Variants in TTBK2 observed in about 807,000 individuals in gnomAD.
TTBK2 encodes the protein tau tubulin kinase 2, also known as tau-tubulin kinase 2.
TTBK2 carries 28 observed loss-of-function variants against 110.8 expected under a neutral mutation model. The ratio of observed to expected loss-of-function variants is 0.25; its 90% CI spans 0.19 to 0.35. The LOEUF is 0.35. Ranked by LOEUF, TTBK2 falls within the 10% of genes least tolerant of loss-of-function variation. TTBK2 has a pLI of 1.00. For synonymous variants in TTBK2, 532 were observed against 527.3 expected, an observed-to-expected ratio of 1.01 and a Z score of -0.12; for missense variants, 1,369 against 1,500.3, an observed-to-expected ratio of 0.91 and a Z score of 1.45.
At chr15:42,805,975 A>G (rs1463781824) in intron 9 of TTBK2, among the ~76,000 whole-genome samples, 1 of 152,196 alleles carries the variant, frequency 6.6e-6, no homozygotes, top group Non-Finnish European at 1.5e-5. Context: ...TAAGACACTG[A>G]TTTTTAGGCC....
At chr15:42,840,490 T>G (rs905155113) in intron 3 of TTBK2, 57 bp from the exon 4 acceptor site, 22 of 1,477,942 alleles carry the variant, frequency 1.5e-5, no homozygotes, top group Non-Finnish European at 1.9e-5. Flanking sequence ...CTTAAAAAAT[T>G]AATAATTTGC....
intron 1 of TTBK2, among the ~76,000 whole-genome samples, chr15:42,885,330 T>C (rs1211103819): frequency 2.0e-5 from 3 of 152,220 alleles, no homozygotes; most frequent in Non-Finnish European, 4.4e-5. Flanking sequence ...TTAAATCGGG[T>C]AAGCAGCCCT....
intron 13 of TTBK2, among the ~76,000 whole-genome samples, chr15:42,763,661 C>T (rs1469009677): frequency 6.6e-6 from 1 of 152,124 alleles, no homozygotes; most frequent in African/African-American, 2.4e-5. Flanking sequence ...CTATGTACCT[C>T]ATACATATGT....
At chr15:42,912,210 C>A (rs1409804549) in intron 1 of TTBK2, among the ~76,000 whole-genome samples, 1 of 152,048 alleles carries the variant, frequency 6.6e-6, no homozygotes, top group Non-Finnish European at 1.5e-5. Context: ...CTGTTTCAGT[C>A]GGCAAGGTGG....
intron 1 of TTBK2, among the ~76,000 whole-genome samples, chr15:42,913,535 G>A (rs1423143168): frequency 2.0e-5 from 3 of 152,080 alleles, no homozygotes; most frequent in Non-Finnish European, 4.4e-5. Context: ...CTACTCAGGA[G>A]GCTGAGGCAG....
chr15:42,897,596 C>A (rs1895716473), intron 1 of TTBK2, among the ~76,000 whole-genome samples: 1 of 152,154 alleles, frequency 6.6e-6, no homozygotes, highest in African/African-American at 2.4e-5. Flanking sequence ...GGAAAGGATG[C>A]CATTATTGAT....
At chr15:42,814,736 G>A (rs1340078977) in intron 7 of TTBK2, among the ~76,000 whole-genome samples, 1 of 152,224 alleles carries the variant, frequency 6.6e-6, no homozygotes, top group African/African-American at 2.4e-5. Context: ...TCCAAGAGGT[G>A]CACTCCTGCA....
chr15:42,901,851 A>T (rs1390587436), intron 1 of TTBK2, among the ~76,000 whole-genome samples: 1 of 152,174 alleles, frequency 6.6e-6, no homozygotes, highest in African/African-American at 2.4e-5. Context: ...TCCAAAGAAG[A>T]TATACAAATG....
chr15:42,872,957 GT>G (rs1894672727), intron 2 of TTBK2, among the ~76,000 whole-genome samples, 199 bp from the exon 3 acceptor site: 1 of 151,910 alleles, frequency 6.6e-6, no homozygotes, highest in African/African-American at 2.4e-5. Context: ...TTCCCCACAG[GT>G]TTATCCACAA....
intron 3 of TTBK2, among the ~76,000 whole-genome samples, chr15:42,859,250 G>A (rs977554950): frequency 1.6e-4 from 24 of 152,014 alleles, no homozygotes; most frequent in Admixed American, 7.9e-4. Context: ...GGGACTACAG[G>A]TGCACACCAC....
chr15:42,745,754 G>C lies in TTBK2; in HGVS notation c.*41C>G, dbSNP rs1329162780. ...AGGGACACACATGCATCAGGTTTAGGAGGAAGATCTCACACCTTTCAAAGA... is the reference window on the plus strand; with the variant it reads ...AGGGACACACATGCATCAGGTTTAGCAGGAAGATCTCACACCTTTCAAAGA... On this transcript the variant is annotated 3_prime_UTR_variant, in exon 15 of 15. Coordinates refer to ENST00000267890, the MANE Select transcript of TTBK2 (RefSeq NM_173500.4). The C allele has an allele frequency of 6.2e-7, 1 of 1,609,462 alleles. No homozygotes were observed. Among genetic ancestry groups the C allele is most frequent in the African/African-American group, 1.3e-5 (1 of 74,942 alleles).
chr15:42,799,849 T>C (rs950866769), intron 9 of TTBK2, among the ~76,000 whole-genome samples: 2 of 152,104 alleles, frequency 1.3e-5, no homozygotes, highest in East Asian at 1.9e-4. Context: ...TTCAATACAA[T>C]GATTTTTCAA....
chr15:42,881,491 A>G, intron 1 of TTBK2, among the ~76,000 whole-genome samples: 1 of 152,126 alleles, frequency 6.6e-6, no homozygotes, highest in East Asian at 1.9e-4. Flanking sequence ...ACTTATCAGG[A>G]AAAATATTCC....
chr15:42,746,567 T>C (rs748076445), intron 14 of TTBK2, among the ~76,000 whole-genome samples: 3 of 152,236 alleles, frequency 2.0e-5, no homozygotes, highest in Non-Finnish European at 4.4e-5. Context: ...TCCTATGCCA[T>C]GTTTATTCTG....
At chr15:42,824,500 T>A (rs938127547) in intron 6 of TTBK2, among the ~76,000 whole-genome samples, 4 of 152,136 alleles carry the variant, frequency 2.6e-5, no homozygotes, top group African/African-American at 9.7e-5. Context: ...CTTAACTACT[T>A]GAAAACAAAA....
intron 3 of TTBK2, among the ~76,000 whole-genome samples, chr15:42,842,495 A>G (rs1035359886): frequency 2.0e-5 from 3 of 152,154 alleles, no homozygotes; most frequent in African/African-American, 7.2e-5. Context: ...GAAAGTAAGG[A>G]AGAGTAACAG....
At chr15:42,777,576 C>A (rs17718539) in intron 11 of TTBK2, among the ~76,000 whole-genome samples, 2,474 of 152,232 alleles carry the variant, frequency 0.016, 26 homozygotes, top group Non-Finnish European at 0.026. Flanking sequence ...GACACTGAAA[C>A]CTGGAAAGGA....
At chr15:42,761,752 C>G (rs763252556) in intron 13 of TTBK2, among the ~76,000 whole-genome samples, 7 of 152,178 alleles carry the variant, frequency 4.6e-5, no homozygotes, top group Non-Finnish European at 1.0e-4. Flanking sequence ...GATATTGTAT[C>G]ACCCCAGTAA....
chr15:42,866,270 C>G (rs972852647), intron 3 of TTBK2, among the ~76,000 whole-genome samples: 1 of 151,622 alleles, frequency 6.6e-6, no homozygotes, highest in African/African-American at 2.4e-5. Flanking sequence ...AGTACATCTC[C>G]AAGAAAATTA....
Sources: allele counts gnomAD v4.1 joint callset (sites outside exome capture counted in the v4.1 genomes callset), GRCh38; gene constraint gnomAD v4.1.1; transcripts MANE v1.5; gene names NCBI Gene and HGNC (gene_info 2026-07-23, HGNC 2026-07-21).